ASIC2: variants seen among roughly 807,000 people sequenced by gnomAD.
ASIC2 encodes the protein acid sensing ion channel subunit 2, also known as acid-sensing ion channel 2.
A neutral mutation model predicts 57.3 loss-of-function variants in ASIC2; 25 were observed. The ratio of observed to expected loss-of-function variants is 0.44; its 90% CI spans 0.32 to 0.61. The LOEUF is 0.61. Among genes scored for constraint, ASIC2 ranks in the 20% least tolerant of loss-of-function variants. The probability of loss-of-function intolerance (pLI) is 0.06; values close to 1 mark genes in which losing one functional copy is unlikely to be tolerated. For missense variants in ASIC2, 641 were observed against 738.1 expected (o/e 0.87, Z 1.52); for synonymous variants, 319 against 307.5 (o/e 1.04, Z -0.39).
chr17:33,110,106 G>T (rs1230323596), intron 2 of ASIC2, among the ~76,000 whole-genome samples: 1 of 152,056 alleles, frequency 6.6e-6, no homozygotes, highest in African/African-American at 2.4e-5. Context: ...AAGATAACAG[G>T]CTAGGAAAGC....
At chr17:33,349,419 G>A (rs1908074266) in intron 1 of ASIC2, among the ~76,000 whole-genome samples, 2 of 152,136 alleles carry the variant, frequency 1.3e-5, no homozygotes. Context: ...CACAGAGTCA[G>A]CTTGGCCTTT....
At chr17:33,711,541 C>T (rs1453811774) in intron 1 of ASIC2, among the ~76,000 whole-genome samples, 7 of 152,112 alleles carry the variant, frequency 4.6e-5, no homozygotes, top group Non-Finnish European at 5.9e-5. Flanking sequence ...TAAAGAACCA[C>T]CTGAAACTGA....
chr17:33,325,628 G>A (rs1175242520), intron 1 of ASIC2, among the ~76,000 whole-genome samples: 4 of 152,084 alleles, frequency 2.6e-5, no homozygotes, highest in East Asian at 1.9e-4. Context: ...GATTTAACTA[G>A]GATAATGGTA....
At chr17:33,627,847 C>T (rs1287079136) in intron 1 of ASIC2, among the ~76,000 whole-genome samples, 1 of 152,134 alleles carries the variant, frequency 6.6e-6, no homozygotes. Context: ...TACCCAGTAT[C>T]CAGTGAGTTC....
At chr17:33,159,270 A>T (rs545773371) in intron 1 of ASIC2, among the ~76,000 whole-genome samples, 10 of 152,318 alleles carry the variant, frequency 6.6e-5, no homozygotes, top group African/African-American at 2.4e-4. Context: ...TGCATCATCT[A>T]TCTCCCTTCC....
intron 1 of ASIC2, among the ~76,000 whole-genome samples, chr17:33,390,485 A>C (rs150579515): frequency 3.3e-5 from 5 of 152,286 alleles, no homozygotes; most frequent in African/African-American, 9.6e-5. Flanking sequence ...AAAACTCACC[A>C]TGTATTATCT....
chr17:33,229,287 C>T (rs1418469962), intron 1 of ASIC2, among the ~76,000 whole-genome samples: 8 of 152,120 alleles, frequency 5.3e-5, no homozygotes, highest in Non-Finnish European at 1.2e-4. Flanking sequence ...CTGGCTTATC[C>T]AGGGTTCATT....
At chr17:33,477,242 A>C (rs1273194674) in intron 1 of ASIC2, among the ~76,000 whole-genome samples, 1 of 152,122 alleles carries the variant, frequency 6.6e-6, no homozygotes, top group Non-Finnish European at 1.5e-5. Context: ...TTCTCCCCCA[A>C]ATTGATGTCT....
intron 1 of ASIC2, among the ~76,000 whole-genome samples, chr17:33,278,731 A>G (rs1904815059): frequency 6.6e-6 from 1 of 152,150 alleles, no homozygotes; most frequent in South Asian, 2.1e-4. Flanking sequence ...GAATGAATGA[A>G]TGAACGAATG....
chr17:33,779,194 C>T (rs1274724648), intron 1 of ASIC2, among the ~76,000 whole-genome samples: 1 of 152,092 alleles, frequency 6.6e-6, no homozygotes, highest in Non-Finnish European at 1.5e-5. Context: ...CATTTGGCTT[C>T]CCAGGGTGTC....
intron 1 of ASIC2, among the ~76,000 whole-genome samples, chr17:33,849,855 T>C (rs1913716561): frequency 6.6e-6 from 1 of 152,150 alleles, no homozygotes; most frequent in African/African-American, 2.4e-5. Context: ...GCTGATCAGA[T>C]TTGCATTTTA....
intron 1 of ASIC2, among the ~76,000 whole-genome samples, chr17:33,150,627 T>C (rs886989240): frequency 6.6e-6 from 1 of 151,504 alleles, no homozygotes; most frequent in Non-Finnish European, 1.5e-5. Flanking sequence ...AGGGGGTGGA[T>C]CACTTGAGGT....
chr17:33,633,010 G>A (rs1054882856), intron 1 of ASIC2, among the ~76,000 whole-genome samples: 8 of 152,284 alleles, frequency 5.3e-5, no homozygotes, highest in Non-Finnish European at 1.2e-4. Flanking sequence ...TCTTACTTTT[G>A]CTCCCTGCTG....
intron 3 of ASIC2, among the ~76,000 whole-genome samples, chr17:33,077,804 CT>C (rs1205645946): frequency 6.6e-6 from 1 of 152,140 alleles, no homozygotes; most frequent in East Asian, 1.9e-4. Flanking sequence ...CAGACCCCTC[CT>C]TCCCTTACCC....
intron 3 of ASIC2, among the ~76,000 whole-genome samples, chr17:33,047,626 C>T (rs1171925356): frequency 6.6e-6 from 1 of 152,186 alleles, no homozygotes; most frequent in Non-Finnish European, 1.5e-5. Context: ...AGGCATGAGC[C>T]ACTATGCCTG....
intron 1 of ASIC2, among the ~76,000 whole-genome samples, chr17:33,358,418 A>T (rs1908470833): frequency 6.6e-6 from 1 of 152,210 alleles, no homozygotes; most frequent in Non-Finnish European, 1.5e-5. Context: ...TGACATCATG[A>T]CCTATGGATT....
intron 1 of ASIC2, among the ~76,000 whole-genome samples, chr17:33,651,644 G>T (rs1906922392): frequency 6.6e-6 from 1 of 152,208 alleles, no homozygotes; most frequent in African/African-American, 2.4e-5. Context: ...TAGAGCCCAT[G>T]CTCGCACTTC....
intron 1 of ASIC2, among the ~76,000 whole-genome samples, chr17:33,921,995 G>T (rs1181521754): frequency 6.6e-6 from 1 of 152,068 alleles, no homozygotes; most frequent in African/African-American, 2.4e-5. Flanking sequence ...CAGCTGACGG[G>T]CCTGGGAACA....
At chr17:34,074,784 T>TTC (rs1555591758) in intron 1 of ASIC2, among the ~76,000 whole-genome samples, 4 of 133,990 alleles carry the variant, frequency 3.0e-5, no homozygotes, top group Non-Finnish European at 4.6e-5. Flanking sequence ...CTTTCTTTCT[T>TTC]TTTTTTTTTT....
Sources: gnomAD v4.1 joint callset for allele counts (sites outside exome capture counted in the v4.1 genomes callset) on GRCh38, gnomAD v4.1.1 for gene constraint, MANE v1.5 for transcripts, NCBI Gene and HGNC (gene_info 2026-07-23, HGNC 2026-07-21) for gene names.